DLGAP1: variants seen among roughly 807,000 people sequenced by gnomAD.
DLGAP1 encodes the protein DLG associated protein 1.
In DLGAP1, 11 loss-of-function variants were observed where a neutral mutation model predicts 90.8. The observed-to-expected ratio is 0.12, with a 90% CI of 0.08 to 0.20. The LOEUF (loss-of-function observed/expected upper bound fraction) is 0.20, where lower values mean the gene tolerates loss of function less well. DLGAP1 is among the 10% of genes least tolerant of loss of function. The pLI is 1.00. For missense variants in DLGAP1, 1,050 were observed against 1,333.8 expected, an observed-to-expected ratio of 0.79 and a Z score of 3.31; for synonymous variants, 558 against 540.7, an observed-to-expected ratio of 1.03 and a Z score of -0.44.
At chr18:3,533,152 C>T (rs1485227371) in intron 10 of DLGAP1, among the ~76,000 whole-genome samples, 1 of 152,072 alleles carries the variant, frequency 6.6e-6, no homozygotes, top group East Asian at 1.9e-4. Flanking sequence ...ATCAGCTGCA[C>T]ATGGGGTGCA....
Position 3,600,878 on chromosome 18 carries a change from A to G in DLGAP1, c.1592-18630T>C, listed in dbSNP as rs2056929206. Among the ~76,000 whole-genome samples, 2 of 25,654 alleles carry G rather than the reference A, an allele frequency of 7.8e-5. 1 individual carries two copies. The highest frequency in any genetic ancestry group is 1.9e-3 in the South Asian group (2 of 1,030). 16.8% of individuals were successfully genotyped at this position (25,654 alleles called of 152,430 possible). A position where few individuals can be genotyped will look rare whatever the true frequency, so the allele number is the denominator to read the frequency against. ...TAGATATATATAGATATATAGATAT[A>G]TAGATAGATATATAGATATATATAG... On this transcript the variant is annotated intron_variant, in intron 7 of 12. Transcript: ENST00000315677.
At chr18:3,829,343 G>A (rs548199995) in intron 4 of DLGAP1, among the ~76,000 whole-genome samples, 21 of 151,828 alleles carry the variant, frequency 1.4e-4, no homozygotes, top group African/African-American at 3.9e-4. Flanking sequence ...TTTAAATAAC[G>A]GTTAAGTTCC....
rs143214355 is a variant in DLGAP1, at chr18:3,516,530, G to A, written c.2480-7869C>T. Among the ~76,000 whole-genome samples the A allele has an allele frequency of 1.4e-3, 218 of 152,236 alleles. 1 individual carries two copies. The highest frequency in any genetic ancestry group is 5.0e-3 in the African/African-American group (209 of 41,518). On this transcript the variant is annotated intron_variant, in intron 10 of 12. Transcript: ENST00000315677. Reference sequence around the variant, plus strand: ...AGTCCAAATGACTCTTTGATCCGTAGGCTGTGGAATGGATGTCGTATTCCT... The same window carrying A: ...AGTCCAAATGACTCTTTGATCCGTAAGCTGTGGAATGGATGTCGTATTCCT...
At chr18:3,708,339 A>G in intron 7 of DLGAP1, 1 of 446,876 alleles carries the variant, frequency 2.2e-6, no homozygotes, top group Non-Finnish European at 4.5e-6. Flanking sequence ...CACACATCTG[A>G]CCGTTGTAAA....
chr18:3,962,302 T>C (rs1417748027), intron 3 of DLGAP1: 1 of 152,102 alleles, frequency 6.6e-6, no homozygotes, highest in Non-Finnish European at 1.5e-5. Flanking sequence ...TCACATTAAA[T>C]TTGAGTTTGA....
At chr18:4,442,162 T>A (rs374808172) in intron 1 of DLGAP1, among the ~76,000 whole-genome samples, 3 of 152,252 alleles carry the variant, frequency 2.0e-5, no homozygotes, top group Middle Eastern at 3.4e-3. Context: ...GGGATATTTT[T>A]TTATTATTAT....
At chr18:3,568,818 C>A (rs1057492546) in intron 8 of DLGAP1, among the ~76,000 whole-genome samples, 1 of 151,912 alleles carries the variant, frequency 6.6e-6, no homozygotes, top group Non-Finnish European at 1.5e-5. Context: ...TCCCAAGTGT[C>A]TGGGACTACA....
chr18:4,421,456 C>T (rs771005586), intron 1 of DLGAP1, among the ~76,000 whole-genome samples: 6 of 152,076 alleles, frequency 3.9e-5, no homozygotes, highest in Non-Finnish European at 8.8e-5. Flanking sequence ...TCACTCTTGC[C>T]GTACGAGTTG....
At chr18:4,163,595 A>G (rs2076883643) in intron 1 of DLGAP1, among the ~76,000 whole-genome samples, 1 of 152,240 alleles carries the variant, frequency 6.6e-6, no homozygotes. Flanking sequence ...TGCCAATGTC[A>G]TCACAATAAA....
chr18:3,595,231 A>G (rs2056512569), intron 7 of DLGAP1, among the ~76,000 whole-genome samples: 1 of 152,210 alleles, frequency 6.6e-6, no homozygotes, highest in Non-Finnish European at 1.5e-5. Flanking sequence ...GAAACTAGGA[A>G]AGGGGTTCAG....
At chr18:3,957,988 G>A (rs970846785) in intron 3 of DLGAP1, among the ~76,000 whole-genome samples, 1 of 151,394 alleles carries the variant, frequency 6.6e-6, no homozygotes, top group Admixed American at 6.6e-5. Flanking sequence ...CTGCCTCCCA[G>A]GTTCAAGAAA....
At chr18:4,306,296 T>A (rs1044155826) in intron 1 of DLGAP1, among the ~76,000 whole-genome samples, 11 of 151,994 alleles carry the variant, frequency 7.2e-5, no homozygotes, top group Non-Finnish European at 1.2e-4. Context: ...GTAGAGGGAC[T>A]GACAGAAAGC....
intron 1 of DLGAP1, among the ~76,000 whole-genome samples, chr18:4,239,813 TTAC>T (rs1355808305): frequency 6.6e-6 from 1 of 152,156 alleles, no homozygotes; most frequent in Non-Finnish European, 1.5e-5. Flanking sequence ...CAAAGAGAGA[TTAC>T]TACTTTTCTC....
chr18:4,384,989 G>A (rs373994741), intron 1 of DLGAP1, among the ~76,000 whole-genome samples: 2 of 152,078 alleles, frequency 1.3e-5, no homozygotes, highest in East Asian at 3.9e-4. Flanking sequence ...ACTCCACTGT[G>A]GCTGTAATGC....
At chr18:3,688,099 C>T (rs1037865075) in intron 7 of DLGAP1, among the ~76,000 whole-genome samples, 6 of 151,970 alleles carry the variant, frequency 3.9e-5, no homozygotes, top group African/African-American at 1.2e-4. Flanking sequence ...TTAGTAGAGA[C>T]GCGGTTTCAC....
intron 1 of DLGAP1, among the ~76,000 whole-genome samples, chr18:4,271,846 A>G (rs1177985715): frequency 7.2e-5 from 11 of 152,194 alleles, no homozygotes; most frequent in Non-Finnish European, 1.3e-4. Context: ...ATATATTTTG[A>G]GAAGACCTTA....
intron 11 of DLGAP1, among the ~76,000 whole-genome samples, chr18:3,505,594 C>T (rs751395960): frequency 1.8e-4 from 26 of 143,434 alleles, no homozygotes; most frequent in Non-Finnish European, 3.0e-4. Context: ...GCTGAGTTTG[C>T]GCCACTGCAC....
At chr18:3,551,650 C>T (rs866064787) in intron 9 of DLGAP1, among the ~76,000 whole-genome samples, 849 of 74,986 alleles carry the variant, frequency 0.011, 123 homozygotes, top group African/African-American at 0.032. Context: ...CTTTCTCTCT[C>T]TCTTTGTCTC....
intron 4 of DLGAP1, among the ~76,000 whole-genome samples, chr18:3,836,884 G>A (rs752804855): frequency 1.3e-5 from 2 of 152,310 alleles, no homozygotes; most frequent in South Asian, 2.1e-4. Context: ...TTTGAAGAGC[G>A]TGGTAGATTT....
Sources: allele counts gnomAD v4.1 joint callset (sites outside exome capture counted in the v4.1 genomes callset), GRCh38; gene constraint gnomAD v4.1.1; transcripts MANE v1.5; gene names NCBI Gene and HGNC (gene_info 2026-07-23, HGNC 2026-07-21).